Variants in TULP4 observed in about 807,000 individuals in gnomAD.
The protein encoded by TULP4 is tubby-related protein 4.
TULP4 carries 16 observed loss-of-function variants against 129.0 expected under a neutral mutation model. The observed-to-expected ratio is 0.12, with a 90% CI of 0.08 to 0.19. TULP4 has a LOEUF of 0.19. Ranked by LOEUF, TULP4 falls within the 10% of genes least tolerant of loss-of-function variation. The probability of loss-of-function intolerance (pLI) is 1.00; values close to 1 mark genes in which losing one functional copy is unlikely to be tolerated. For missense variants in TULP4, 1,842 were observed against 2,059.1 expected (o/e 0.89, Z 2.04); for synonymous variants, 998 against 854.0 (o/e 1.17, Z -2.94).
intron 1 of TULP4, among the ~76,000 whole-genome samples, chr6:158,285,118 T>C (rs1778813615): frequency 6.6e-6 from 1 of 152,206 alleles, no homozygotes; most frequent in South Asian, 2.1e-4. Context: ...CTCTGATTAT[T>C]TCATGTATGT....
chr6:158,424,469 T>A (rs1282284888), intron 2 of TULP4, among the ~76,000 whole-genome samples: 1 of 151,996 alleles, frequency 6.6e-6, no homozygotes, highest in South Asian at 2.1e-4. Context: ...AGGCTGGTCT[T>A]GAACTCCTGA....
chr6:158,457,856 G>A (rs1286090059), intron 5 of TULP4, among the ~76,000 whole-genome samples: 1 of 152,004 alleles, frequency 6.6e-6, no homozygotes. Context: ...GATAAGATTT[G>A]CCCACGTCGT....
At chr6:158,250,233 C>CTGCA (rs1778114294) in intron 1 of TULP4, among the ~76,000 whole-genome samples, 1 of 151,722 alleles carries the variant, frequency 6.6e-6, no homozygotes, top group Admixed American at 6.6e-5. Flanking sequence ...TCTTGGCTTA[C>CTGCA]TGCAGCCTCC....
At chr6:158,298,249 T>G (rs1396506457) in intron 1 of TULP4, among the ~76,000 whole-genome samples, 1 of 152,190 alleles carries the variant, frequency 6.6e-6, no homozygotes, top group East Asian at 1.9e-4. Flanking sequence ...ACAATCAATT[T>G]GTACAGTTAA....
upstream of TULP4, chr6:158,312,122 C>T: frequency 2.5e-6 from 1 of 398,196 alleles, no homozygotes; most frequent in Non-Finnish European, 4.4e-6. Context: ...GAAGCAGACG[C>T]TTCGTATGGC....
chr6:158,258,323 T>C (rs1441920429), intron 1 of TULP4, among the ~76,000 whole-genome samples: 4 of 152,234 alleles, frequency 2.6e-5, no homozygotes, highest in East Asian at 1.9e-4. Flanking sequence ...TTCTGAGTTA[T>C]TCCTTTTCTG....
intron 9 of TULP4, among the ~76,000 whole-genome samples, chr6:158,492,384 A>G (rs1259408181): frequency 1.3e-5 from 2 of 152,176 alleles, no homozygotes; most frequent in African/African-American, 4.8e-5. Flanking sequence ...TTAGAGGTAA[A>G]TGCTCATTTT....
chr6:158,331,752 TAC>T (rs1452035701), intron 1 of TULP4, among the ~76,000 whole-genome samples: 9,810 of 40,072 alleles, frequency 0.24, 2,997 homozygotes, highest in South Asian at 0.4. Flanking sequence ...TACGTGTATA[TAC>T]ACGTGTATAT....
intron 6 of TULP4, among the ~76,000 whole-genome samples, chr6:158,468,239 G>T (rs1317501598): frequency 6.6e-6 from 1 of 152,216 alleles, no homozygotes; most frequent in African/African-American, 2.4e-5. Context: ...TCAAAGGTTA[G>T]TCTTAAGATT....
intron 2 of TULP4, among the ~76,000 whole-genome samples, chr6:158,417,263 A>T (rs1035279844): frequency 6.6e-6 from 1 of 152,040 alleles, no homozygotes; most frequent in Non-Finnish European, 1.5e-5. Context: ...CCACCATCCA[A>T]CACTTCCCTT....
At chr6:158,357,648 G>A (rs1295701487) in intron 1 of TULP4, among the ~76,000 whole-genome samples, 2 of 152,186 alleles carry the variant, frequency 1.3e-5, no homozygotes, top group Non-Finnish European at 2.9e-5. Context: ...ATCGTCTCCT[G>A]AAACTTGAAG....
intron 2 of TULP4, among the ~76,000 whole-genome samples, chr6:158,416,774 C>A (rs1010870699): frequency 1.3e-5 from 2 of 152,240 alleles, no homozygotes; most frequent in Non-Finnish European, 2.9e-5. Flanking sequence ...CCCAGAGCAA[C>A]TTCTAGTCCT....
At position 158,506,222 on chromosome 6, in the gene TULP4, CTTTTTTTTTT is replaced by C. The variant is rs61292138; in HGVS notation, c.4516-337_4516-328del. ...CGGCTGTCGCCTTGCTCGCCTTGTT[CTTTTTTTTTT>C]TTTTTTTTTTTTTTTTTTGAGATGA... is the stretch of plus-strand genomic sequence containing the variant. On this transcript the variant is annotated intron_variant, in intron 13 of 13. Transcript: ENST00000367097. 2.5e-3 allele frequency among the ~76,000 whole-genome samples: 136 copies of C among 55,500 alleles called. 1 individual carries two copies. The East Asian group carries it at 0.059, about 24-fold the overall frequency. The allele number at this position is 55,500 out of a possible 152,430, so 36.4% of individuals were successfully genotyped here. A position where few individuals can be genotyped will look rare whatever the true frequency, so the allele number is the denominator to read the frequency against.
At chr6:158,375,712 A>G (rs895479061) in intron 1 of TULP4, among the ~76,000 whole-genome samples, 4 of 152,210 alleles carry the variant, frequency 2.6e-5, no homozygotes, top group Non-Finnish European at 5.9e-5. Flanking sequence ...GCTTAGTTTC[A>G]TTAGCAAGTG....
At chr6:158,260,019 T>C (rs1355170976) in intron 1 of TULP4, among the ~76,000 whole-genome samples, 2 of 152,214 alleles carry the variant, frequency 1.3e-5, no homozygotes, top group East Asian at 3.9e-4. Flanking sequence ...TATGACATCG[T>C]TGGTCATGTG....
At chr6:158,250,908 C>T (rs1402956445) in intron 1 of TULP4, among the ~76,000 whole-genome samples, 2 of 152,150 alleles carry the variant, frequency 1.3e-5, no homozygotes, top group Non-Finnish European at 2.9e-5. Context: ...CAGTTTAAGC[C>T]AATGACTTCC....
chr6:158,442,769 T>G, intron 3 of TULP4, among the ~76,000 whole-genome samples: 1 of 152,096 alleles, frequency 6.6e-6, no homozygotes, highest in East Asian at 1.9e-4. Flanking sequence ...TAATGTGTTT[T>G]CAGTTACTTG....
In TULP4 at chr6:158,313,243, C is replaced by T. The variant is rs4433000; in HGVS notation, c.-774C>T. On this transcript the variant is annotated 5_prime_UTR_variant, in exon 1 of 14. Transcript: ENST00000367097. ...AGGGGTGCGCCGGCTGGTGGAGGAG[C>T]AGTCCGATGGAGCCCTGCGTTCCCC... is the stretch of plus-strand genomic sequence containing the variant. 319,227 of 361,386 alleles carry T rather than the reference C, an allele frequency of 0.88. 141,552 individuals carry two copies. Among genetic ancestry groups the T allele is most frequent in the South Asian group, 0.93 (6,227 of 6,694 alleles). The allele number at this position is 361,386 out of a possible 1,614,324, so 22.4% of individuals were successfully genotyped here. A position where few individuals can be genotyped will look rare whatever the true frequency, so the allele number is the denominator to read the frequency against.
rs574787700 is a variant in TULP4 at position 158,295,633 on chromosome 6, T to C, written n.116+13255T>C. On this transcript the variant is annotated intron_variant and non_coding_transcript_variant, in intron 1 of 1. Coordinates refer to the TULP4 transcript ENST00000432358. ...GGCCAGGCATGGTGGCTTTCGCCTG[T>C]AGTCCCAACACTTTGGGAGGCCAAG... Among the ~76,000 whole-genome samples, 8 of 152,356 alleles carry C rather than the reference T, an allele frequency of 5.3e-5. No homozygotes were observed. In the East Asian group the frequency reaches 1.5e-3, roughly 29 times the overall value.
Sources: gnomAD v4.1 joint callset for allele counts (sites outside exome capture counted in the v4.1 genomes callset) on GRCh38, gnomAD v4.1.1 for gene constraint, MANE v1.5 for transcripts, NCBI Gene and HGNC (gene_info 2026-07-23, HGNC 2026-07-21) for gene names.